The following CHM variants were observed in gnomAD, a reference collection of about 807,000 sequenced individuals.
CHM encodes the protein CHM Rab escort protein.
In CHM, 10 loss-of-function variants were observed where a neutral mutation model predicts 49.0. That is an observed-to-expected ratio of 0.20 (90% CI 0.13 to 0.35). The LOEUF is 0.35. Ranked by LOEUF, CHM falls within the 10% of genes least tolerant of loss-of-function variation. The probability of loss-of-function intolerance (pLI) is 1.00; values close to 1 mark genes in which losing one functional copy is unlikely to be tolerated. For missense variants in CHM, 455 were observed against 478.4 expected, an observed-to-expected ratio of 0.95 and a Z score of 0.46; for synonymous variants, 184 against 167.5, an observed-to-expected ratio of 1.10 and a Z score of -0.76.
At chrX:85,912,460 T>C (rs927928393) in intron 8 of CHM, among the ~76,000 whole-genome samples, 1 of 111,545 alleles carries the variant, frequency 9.0e-6, no homozygotes, top group African/African-American at 3.3e-5. Context: ...GGTATAACTA[T>C]CTGATTGAGA....
chrX:85,990,682 A>G (rs1932141174), intron 2 of CHM, among the ~76,000 whole-genome samples: 1 of 111,823 alleles, frequency 8.9e-6, no homozygotes, highest in Non-Finnish European at 1.9e-5. Context: ...TATGGTGTTT[A>G]ATGTTAAAGC....
intron 5 of CHM, among the ~76,000 whole-genome samples, chrX:85,959,600 T>C (rs1486265439): frequency 1.8e-5 from 2 of 111,817 alleles, no homozygotes; most frequent in Non-Finnish European, 3.8e-5. Context: ...ATATGAGATA[T>C]GTCTTTCTCA....
intron 12 of CHM, among the ~76,000 whole-genome samples, chrX:85,884,514 C>T (rs2148132319): frequency 9.0e-6 from 1 of 111,105 alleles, no homozygotes; most frequent in South Asian, 3.7e-4. Context: ...TGAACTTAGC[C>T]TATGTTCTCC....
intron 8 of CHM, among the ~76,000 whole-genome samples, chrX:85,913,779 A>C (rs1927277354): frequency 9.0e-6 from 1 of 111,079 alleles, no homozygotes; most frequent in African/African-American, 3.3e-5. Flanking sequence ...TGGAACCTTG[A>C]AAAAATGATT....
chrX:85,940,100 C>G, intron 8 of CHM, among the ~76,000 whole-genome samples: 1 of 111,538 alleles, frequency 9.0e-6, no homozygotes, highest in African/African-American at 3.3e-5. Flanking sequence ...TGATGGGGAA[C>G]AAGCACGTCT....
chrX:86,033,193 T>C (rs1003128080), intron 1 of CHM, among the ~76,000 whole-genome samples: 1 of 111,550 alleles, frequency 9.0e-6, no homozygotes, highest in African/African-American at 3.3e-5. Context: ...GGGATTGATT[T>C]TTCCTAACAC....
At chrX:85,965,074 T>C (rs1209350082) in intron 4 of CHM, among the ~76,000 whole-genome samples, 3 of 112,285 alleles carry the variant, frequency 2.7e-5, no homozygotes, top group Non-Finnish European at 5.6e-5. Context: ...CCTTATTTAC[T>C]AATCTTCTGG....
rs1477113043 is a variant in CHM at position 85,943,244 on chromosome X, C to T, written c.1166+12909G>A. 3.6e-5 allele frequency among the ~76,000 whole-genome samples: 4 copies of T among 110,182 alleles called. No homozygotes were observed. In the Admixed American group the frequency reaches 3.9e-4, roughly 11 times the overall value. ...ACTACAATGAACTCAAACAAATTTA[C>T]AAGAAAAAAACAACCCCATCAAAAA... On this transcript the variant is annotated intron_variant, in intron 8 of 14. Transcript: ENST00000357749.
At chrX:85,916,105 A>G (rs1927437385) in intron 8 of CHM, among the ~76,000 whole-genome samples, 1 of 111,617 alleles carries the variant, frequency 9.0e-6, no homozygotes, top group Non-Finnish European at 1.9e-5. Flanking sequence ...ACAGACACAT[A>G]GACCAATGGA....
At chrX:85,993,400 A>T (rs1164416014) in intron 2 of CHM, among the ~76,000 whole-genome samples, 3 of 111,070 alleles carry the variant, frequency 2.7e-5, no homozygotes, top group Non-Finnish European at 5.7e-5. Context: ...AGCCCCTTCT[A>T]TCCTTGCTAT....
intron 5 of CHM, among the ~76,000 whole-genome samples, chrX:85,960,977 T>C (rs993016663): frequency 9.0e-6 from 1 of 111,529 alleles, no homozygotes; most frequent in African/African-American, 3.3e-5. Context: ...TAACCTACCT[T>C]GAGCTATTAC....
At chrX:86,006,766 A>G (rs746550323) in intron 2 of CHM, among the ~76,000 whole-genome samples, 36 of 112,246 alleles carry the variant, frequency 3.2e-4, no homozygotes, top group South Asian at 2.6e-3. Context: ...AAGAGGACAC[A>G]AACAAATGGA....
At chrX:85,954,562 G>A (rs1443483486) in intron 8 of CHM, among the ~76,000 whole-genome samples, 3 of 111,624 alleles carry the variant, frequency 2.7e-5, no homozygotes, top group Non-Finnish European at 5.6e-5. Flanking sequence ...AGAAAATGTA[G>A]TACAGTTACA....
intron 2 of CHM, among the ~76,000 whole-genome samples, chrX:86,008,055 C>T (rs1318840716): frequency 8.9e-6 from 1 of 111,967 alleles, no homozygotes; most frequent in African/African-American, 3.3e-5. Context: ...GGCACATATA[C>T]ACCATGGAAT....
chrX:85,951,973 G>A (rs1171293939), intron 8 of CHM, among the ~76,000 whole-genome samples: 1 of 112,123 alleles, frequency 8.9e-6, no homozygotes. Flanking sequence ...TCAGTGGAGA[G>A]CAAAGCTATG....
At chrX:85,947,370 C>A (rs112371609) in intron 8 of CHM, among the ~76,000 whole-genome samples, 6,027 of 111,451 alleles carry the variant, frequency 0.054, 420 homozygotes, top group African/African-American at 0.19. Flanking sequence ...CTTGGTGCTG[C>A]CCTCATGATA....
intron 8 of CHM, among the ~76,000 whole-genome samples, chrX:85,913,954 A>G (rs1927290440): frequency 9.0e-6 from 1 of 111,155 alleles, no homozygotes; most frequent in Admixed American, 9.6e-5. Flanking sequence ...CAGGGCTGAA[A>G]AGGGAGGAGG....
intron 14 of CHM, among the ~76,000 whole-genome samples, chrX:85,871,038 T>C (rs112797835): frequency 0.079 from 8,527 of 108,499 alleles, 739 homozygotes; most frequent in African/African-American, 0.26. Flanking sequence ...TCGGGCCGGG[T>C]GTGGTGGCTC....
chrX:86,026,615 T>C (rs1468257270), intron 2 of CHM, among the ~76,000 whole-genome samples: 1 of 112,136 alleles, frequency 8.9e-6, no homozygotes, highest in Non-Finnish European at 1.9e-5. Context: ...TTAGCTATTA[T>C]AACAGAATAT....
Sources: allele counts gnomAD v4.1 joint callset (sites outside exome capture counted in the v4.1 genomes callset), GRCh38; gene constraint gnomAD v4.1.1; transcripts MANE v1.5; gene names NCBI Gene and HGNC (gene_info 2026-07-23, HGNC 2026-07-21).